The following HS6ST3 variants were observed in gnomAD, a reference collection of about 807,000 sequenced individuals.
HS6ST3 encodes the protein heparan sulfate 6-O-sulfotransferase 3, also known as heparan-sulfate 6-O-sulfotransferase 3.
A neutral mutation model predicts 36.7 loss-of-function variants in HS6ST3; 12 were observed. The ratio of observed to expected loss-of-function variants is 0.33; its 90% CI spans 0.21 to 0.53. HS6ST3 has a LOEUF of 0.53. Among genes scored for constraint, HS6ST3 ranks in the 20% least tolerant of loss-of-function variants. The pLI is 0.95. For synonymous variants in HS6ST3, 240 were observed against 257.5 expected (o/e 0.93, Z 0.65); for missense variants, 584 against 640.9 (o/e 0.91, Z 0.96).
rs149436514 is a variant in HS6ST3, at chr13:96,836,805, C to G, written c.*3607C>G. 6.6e-6 allele frequency: 1 copy of G among 152,296 alleles called. No individual in the cohort carries two copies. The highest frequency in any genetic ancestry group is 1.9e-4 in the East Asian group (1 of 5,190). The allele number at this position is 152,296 out of a possible 1,614,324, so 9.4% of individuals were successfully genotyped here. On this transcript the variant is annotated 3_prime_UTR_variant, in exon 2 of 2. Coordinates refer to ENST00000376705, the MANE Select transcript of HS6ST3 (RefSeq NM_153456.4). ...TCAAAATAGTGACTTAACATGGAAG[C>G]TATTTCTCTCTTACTTAAAGGCAAA...
chr13:96,227,771 G>A (rs541919119), intron 1 of HS6ST3, among the ~76,000 whole-genome samples: 3 of 152,284 alleles, frequency 2.0e-5, no homozygotes, highest in African/African-American at 7.2e-5. Flanking sequence ...TGTCCAGGTA[G>A]AGAATGTGCA....
At chr13:96,397,662 G>A (rs2055429009) in intron 1 of HS6ST3, among the ~76,000 whole-genome samples, 1 of 152,088 alleles carries the variant, frequency 6.6e-6, no homozygotes, top group Admixed American at 6.5e-5. Context: ...AAAATTTCTT[G>A]TCAGAAAAAA....
intron 1 of HS6ST3, among the ~76,000 whole-genome samples, chr13:96,614,297 C>CAAAAAAAAAAAAAAAAAAAAAAAAAAAA (rs67979751): frequency 2.3e-5 from 1 of 43,946 alleles, no homozygotes; most frequent in Non-Finnish European, 3.8e-5. Flanking sequence ...GGATCCATCT[C>CAAAAAAAAAAAAAAAAAAAAAAAAAAAA]AAAAAAAAAA....
chr13:96,250,583 G>C (rs1384666359), intron 1 of HS6ST3, among the ~76,000 whole-genome samples: 1 of 152,088 alleles, frequency 6.6e-6, no homozygotes, highest in African/African-American at 2.4e-5. Flanking sequence ...CAGAATAACA[G>C]TCTCTGTCAG....
At chr13:96,800,603 A>C (rs1878042459) in intron 1 of HS6ST3, among the ~76,000 whole-genome samples, 2 of 151,982 alleles carry the variant, frequency 1.3e-5, no homozygotes, top group Admixed American at 1.3e-4. Context: ...TTTGTTCAGG[A>C]TGGAAACCAA....
chr13:96,290,350 G>C (rs2054823592), intron 1 of HS6ST3, among the ~76,000 whole-genome samples: 1 of 152,044 alleles, frequency 6.6e-6, no homozygotes, highest in South Asian at 2.1e-4. Flanking sequence ...ATGACCAAGG[G>C]GATCCAAGGA....
intron 1 of HS6ST3, among the ~76,000 whole-genome samples, chr13:96,341,287 A>G (rs917385479): frequency 6.7e-6 from 1 of 149,404 alleles, no homozygotes. Flanking sequence ...CTTTTTGACT[A>G]TTATTGGGAG....
At chr13:96,515,453 G>A (rs1468075299) in intron 1 of HS6ST3, among the ~76,000 whole-genome samples, 1 of 152,196 alleles carries the variant, frequency 6.6e-6, no homozygotes, top group African/African-American at 2.4e-5. Context: ...TCCTGCACAT[G>A]CAGAGCACAT....
intron 1 of HS6ST3, among the ~76,000 whole-genome samples, chr13:96,234,128 A>G (rs1201482772): frequency 6.6e-6 from 1 of 151,722 alleles, no homozygotes; most frequent in Non-Finnish European, 1.5e-5. Context: ...AAGAAAAAGA[A>G]GCCAGGCATG....
At chr13:96,292,430 A>G (rs1207729457) in intron 1 of HS6ST3, among the ~76,000 whole-genome samples, 1 of 152,092 alleles carries the variant, frequency 6.6e-6, no homozygotes, top group Non-Finnish European at 1.5e-5. Flanking sequence ...GTGTCTGTTC[A>G]AATGTTTGTT....
At chr13:96,136,662 T>C (rs1052395723) in intron 1 of HS6ST3, among the ~76,000 whole-genome samples, 3 of 146,264 alleles carry the variant, frequency 2.1e-5, no homozygotes, top group Admixed American at 1.4e-4. Flanking sequence ...ATTTAAGGTA[T>C]ACAGCATGAT....
intron 1 of HS6ST3, among the ~76,000 whole-genome samples, chr13:96,144,302 G>A (rs1381370247): frequency 6.6e-6 from 1 of 152,094 alleles, no homozygotes; most frequent in African/African-American, 2.4e-5. Flanking sequence ...AGATTACTAA[G>A]TATACTGTAA....
At chr13:96,344,754 A>G (rs2055145711) in intron 1 of HS6ST3, among the ~76,000 whole-genome samples, 1 of 152,112 alleles carries the variant, frequency 6.6e-6, no homozygotes, top group South Asian at 2.1e-4. Context: ...AATGAAGGTC[A>G]TTGCTTGTGA....
intron 1 of HS6ST3, among the ~76,000 whole-genome samples, chr13:96,469,269 TC>T (rs1237609980): frequency 6.6e-6 from 1 of 152,140 alleles, no homozygotes; most frequent in African/African-American, 2.4e-5. Flanking sequence ...ATTAGTTTTC[TC>T]CGTCATTGGC....
chr13:96,689,606 CTTTT>C (rs34000071), intron 1 of HS6ST3, among the ~76,000 whole-genome samples: 7 of 101,232 alleles, frequency 6.9e-5, no homozygotes, highest in Non-Finnish European at 1.1e-4. Context: ...TTCTTTCTTT[CTTTT>C]TTTTTTTTTT....
intron 1 of HS6ST3, among the ~76,000 whole-genome samples, chr13:96,381,766 T>TTTTG (rs923561723): frequency 2.0e-5 from 3 of 152,166 alleles, no homozygotes; most frequent in Admixed American, 1.3e-4. Flanking sequence ...TTTTGATCAC[T>TTTTG]TTTGTTTGTT....
intron 1 of HS6ST3, among the ~76,000 whole-genome samples, chr13:96,460,311 C>G (rs191868295): frequency 9.2e-5 from 14 of 152,264 alleles, no homozygotes; most frequent in Admixed American, 9.2e-4. Flanking sequence ...CAAGTGTACT[C>G]TGTGAAATTA....
intron 1 of HS6ST3, among the ~76,000 whole-genome samples, chr13:96,631,232 C>T (rs142568665): frequency 6.9e-4 from 105 of 152,254 alleles, no homozygotes; most frequent in African/African-American, 2.5e-3. Context: ...AACTTCTCAG[C>T]CTTTCAGAGT....
chr13:96,821,523 G>A (rs776985140), intron 1 of HS6ST3, among the ~76,000 whole-genome samples: 1 of 152,186 alleles, frequency 6.6e-6, no homozygotes, highest in African/African-American at 2.4e-5. Context: ...TGACTAAGTT[G>A]GTGAACACAG....
Sources: gnomAD v4.1 joint callset for allele counts (sites outside exome capture counted in the v4.1 genomes callset) on GRCh38, gnomAD v4.1.1 for gene constraint, MANE v1.5 for transcripts, NCBI Gene and HGNC (gene_info 2026-07-23, HGNC 2026-07-21) for gene names.